USP6NL: variants seen among roughly 807,000 people sequenced by gnomAD.
USP6NL encodes USP6 N-terminal-like protein.
Under a neutral mutation model 61.9 loss-of-function variants are expected in USP6NL, and 26 were observed. The observed-to-expected ratio is 0.42, with a 90% CI of 0.31 to 0.58. The LOEUF (loss-of-function observed/expected upper bound fraction) is 0.58, where lower values mean the gene tolerates loss of function less well. Ranked by LOEUF, USP6NL falls within the 20% of genes least tolerant of loss-of-function variation. USP6NL has a pLI of 0.16. For missense variants in USP6NL, 1,114 were observed against 1,034.3 expected, an observed-to-expected ratio of 1.08 and a Z score of -1.06; for synonymous variants, 432 against 390.1, an observed-to-expected ratio of 1.11 and a Z score of -1.27.
chr10:11,476,453 T>A lies in USP6NL; in HGVS notation c.1078+5317A>T, dbSNP rs17150412. ...TACATTTCCTTACTTCTGAATATGT[T>A]TGAAAAGTTTCACAATAAAAAAGTT... On this transcript the variant is annotated intron_variant, in intron 14 of 14. Coordinates refer to ENST00000609104, the MANE Select transcript of USP6NL (RefSeq NM_014688.5). This position sits in a 1 kb window ranked among gnomAD's most constrained non-coding sequence, Gnocchi z 4.3. Among the ~76,000 whole-genome samples the A allele has an allele frequency of 0.11, 16,484 of 152,204 alleles. 1,405 individuals are homozygous for A. The highest frequency in any genetic ancestry group is 0.43 in the East Asian group (2,223 of 5,180).
At chr10:11,573,856 A>C in intron 2 of USP6NL, 1 of 389,782 alleles carries the variant, frequency 2.6e-6, no homozygotes, top group East Asian at 3.6e-5. Context: ...AGAAACAACG[A>C]AAGGATAGGC....
intron 6 of USP6NL, among the ~76,000 whole-genome samples, chr10:11,501,451 C>G (rs1231991433): frequency 6.6e-6 from 1 of 152,192 alleles, no homozygotes; most frequent in Non-Finnish European, 1.5e-5. Flanking sequence ...AATGCATTAG[C>G]ATGTTCAGGC....
rs139373734 is a variant in USP6NL at position 11,510,027 on chromosome 10, CTTCT to C, written c.196-356_196-353del. ...AAACACTACTTTGAAATTTAATTCTCTTCTTTCTTATTTTACTGAATTCTAGTAT... is the reference window on the plus strand; with the variant it reads ...AAACACTACTTTGAAATTTAATTCTCTTCTTATTTTACTGAATTCTAGTAT... On this transcript the variant is annotated intron_variant, in intron 5 of 14. Transcript: ENST00000609104. This position sits in a 1 kb window ranked among gnomAD's most constrained non-coding sequence, Gnocchi z 4.8. 0.43 allele frequency among the ~76,000 whole-genome samples: 65,402 copies of C among 151,654 alleles called. 14,620 individuals carry two copies. The highest frequency in any genetic ancestry group is 0.53 in the Middle Eastern group (156 of 292).
At chr10:11,547,772 C>T (rs921677580) in intron 2 of USP6NL, among the ~76,000 whole-genome samples, 11 of 152,030 alleles carry the variant, frequency 7.2e-5, no homozygotes, top group African/African-American at 2.7e-4. Context: ...GATCTCCTGA[C>T]CTCGTGATCC....
chr10:11,492,644 CT>C (rs1833750937), intron 8 of USP6NL, among the ~76,000 whole-genome samples: 1 of 152,204 alleles, frequency 6.6e-6, no homozygotes, highest in African/African-American at 2.4e-5. Flanking sequence ...TTTCTGTTTC[CT>C]GATTAGACTC....
intron 13 of USP6NL, among the ~76,000 whole-genome samples, chr10:11,484,172 G>C (rs1388498853): frequency 6.6e-6 from 1 of 152,166 alleles, no homozygotes; most frequent in Admixed American, 6.5e-5. Context: ...GTATGACCTG[G>C]ATTAGAAGTA....
At chr10:11,580,815 T>C (rs1043891906) in intron 2 of USP6NL, among the ~76,000 whole-genome samples, 7 of 151,954 alleles carry the variant, frequency 4.6e-5, no homozygotes, top group East Asian at 1.9e-4. Context: ...ATTTCACTCG[T>C]TGGATGGATG....
chr10:11,568,148 G>GTT (rs1232296457), intron 2 of USP6NL, among the ~76,000 whole-genome samples: 1 of 122,814 alleles, frequency 8.1e-6, no homozygotes, highest in Non-Finnish European at 1.7e-5. Context: ...TCGGGAGGTA[G>GTT]TTGTGTGTGT....
rs2096216020 is a variant in USP6NL, at chr10:11,462,017, A to G, written c.*424T>C. On this transcript the variant is annotated 3_prime_UTR_variant, in exon 15 of 15. Transcript: ENST00000609104. ...TCTGTGTTCAAATGTGGATGAACAG[A>G]TGCCTATATCTATTAAAAGACACAT... The G allele has an allele frequency of 6.3e-6, 1 of 157,604 alleles. No individual in the cohort carries two copies. Among genetic ancestry groups the G allele is most frequent in the South Asian group, 2.0e-4 (1 of 5,022 alleles). 9.8% of individuals were successfully genotyped at this position (157,604 alleles called of 1,614,324 possible).
At chr10:11,488,702 C>T (rs145952084) in intron 10 of USP6NL, among the ~76,000 whole-genome samples, 125 of 152,236 alleles carry the variant, frequency 8.2e-4, no homozygotes, top group African/African-American at 2.9e-3. Flanking sequence ...TGTTATATAT[C>T]ACAATATCCA....
chr10:11,554,885 C>T (rs192000888), intron 2 of USP6NL, among the ~76,000 whole-genome samples: 3 of 150,094 alleles, frequency 2.0e-5, no homozygotes, highest in East Asian at 2.0e-4. Flanking sequence ...CTGCAAGCTC[C>T]GCCTCCTGGG....
Position 11,463,617 on chromosome 10 carries a change from C to T in USP6NL, c.1311G>A (p.Glu437=), listed in dbSNP as rs1338645807. 5.6e-6 allele frequency: 9 copies of T among 1,614,030 alleles called. No homozygotes were observed. The highest frequency in any genetic ancestry group is 7.6e-6 in the Non-Finnish European group (9 of 1,179,904). The change falls in exon 15 of 15, where the codon GAG becomes GAA. Residue 437 remains glutamate (E), a synonymous_variant. Transcript: ENST00000609104. This position sits in a 1 kb window ranked among gnomAD's most constrained non-coding sequence, Gnocchi z 6.3. ...RAQPPRRKSV[E]EESKKLKDEA... ...CATCTTTAAGCTTTTTGCTCTCCTC[C>T]TCCACCGATTTCCGTCTTGGCGGCT...
chr10:11,588,087 C>T (rs938798064), intron 2 of USP6NL, among the ~76,000 whole-genome samples: 2 of 152,214 alleles, frequency 1.3e-5, no homozygotes, highest in African/African-American at 4.8e-5. Context: ...TACAGGAACC[C>T]TCCATCATCC....
At chr10:11,475,937 C>G (rs940487684) in intron 14 of USP6NL, among the ~76,000 whole-genome samples, 1 of 152,156 alleles carries the variant, frequency 6.6e-6, no homozygotes, top group Admixed American at 6.5e-5. Context: ...CTACATCTAG[C>G]TTCTAGTTTG....
At chr10:11,524,358 C>A (rs1199357953) in intron 4 of USP6NL, among the ~76,000 whole-genome samples, 1 of 152,266 alleles carries the variant, frequency 6.6e-6, no homozygotes, top group Non-Finnish European at 1.5e-5. Flanking sequence ...GCCTCAAATA[C>A]ACCTGAAGAT....
intron 2 of USP6NL, among the ~76,000 whole-genome samples, chr10:11,580,975 T>C (rs1364894293): frequency 1.3e-5 from 2 of 152,182 alleles, no homozygotes; most frequent in Non-Finnish European, 2.9e-5. Context: ...ACAAGAGTAC[T>C]GGTATAATTC....
Position 11,520,860 on chromosome 10 carries a change from T to C in USP6NL, c.156-2286A>G, listed in dbSNP as rs1433718731. 2.6e-5 allele frequency among the ~76,000 whole-genome samples: 4 copies of C among 152,306 alleles called. No homozygotes were observed. In the East Asian group the frequency reaches 7.7e-4, roughly 29 times the overall value. On this transcript the variant is annotated intron_variant, in intron 4 of 14. Transcript: ENST00000609104. The surrounding 1 kb of genome is among the most constrained non-coding windows in gnomAD (Gnocchi z 5.2). Reference sequence around the variant, plus strand: ...CAAAGATCCTTCATATCTGGCTCTTTAGAGAAAATGTTTGCCAAACCCTGC... The same window carrying C: ...CAAAGATCCTTCATATCTGGCTCTTCAGAGAAAATGTTTGCCAAACCCTGC...
At chr10:11,488,803 C>T (rs1456100381) in intron 10 of USP6NL, among the ~76,000 whole-genome samples, 2 of 152,116 alleles carry the variant, frequency 1.3e-5, no homozygotes, top group Admixed American at 6.5e-5. Context: ...CAATAATATA[C>T]CTGTTCTTAA....
intron 2 of USP6NL, among the ~76,000 whole-genome samples, chr10:11,583,203 C>A (rs1402885364): frequency 1.2e-5 from 1 of 84,974 alleles, no homozygotes; most frequent in Admixed American, 1.3e-4. Context: ...TTTTTTTTTT[C>A]CCTGAGACGG....
Sources: gnomAD v4.1 joint callset for allele counts (sites outside exome capture counted in the v4.1 genomes callset) on GRCh38, gnomAD v4.1.1 for gene constraint, Gnocchi (gnomAD v3.1) non-coding constraint, MANE v1.5 for transcripts, NCBI Gene and HGNC (gene_info 2026-07-23, HGNC 2026-07-21) for gene names.